The following TRPV3 variants were observed in gnomAD, a reference collection of about 807,000 sequenced individuals.
TRPV3 encodes the protein VRL-3.
TRPV3 carries 88 observed loss-of-function variants against 87.1 expected under a neutral mutation model. The ratio of observed to expected loss-of-function variants is 1.01; its 90% confidence interval spans 0.85 to 1.21. The LOEUF (loss-of-function observed/expected upper bound fraction) is 1.21, where lower values mean the gene tolerates loss of function less well. Among genes scored for constraint, TRPV3 ranks in the 50% most tolerant of loss-of-function variants. The probability of loss-of-function intolerance (pLI) is 0.00; values close to 1 mark genes in which losing one functional copy is unlikely to be tolerated. For missense variants in TRPV3, 1,054 were observed against 1,030.1 expected (o/e 1.02, Z -0.32); for synonymous variants, 438 against 423.3 (o/e 1.03, Z -0.43).
At chr17:3,552,009 A>G (rs1178981290) in intron 2 of TRPV3, among the ~76,000 whole-genome samples, 1 of 144,950 alleles carries the variant, frequency 6.9e-6, no homozygotes, top group South Asian at 2.2e-4. Context: ...CAGCCTCCCA[A>G]GTAGCTGGGA....
rs766565858 is a variant in TRPV3, at chr17:3,535,725, G to A, written c.644-12C>T. 6.8e-7 allele frequency: 1 copy of A among 1,470,254 alleles called. No individual in the cohort carries two copies. The allele number at this position is 1,470,254 out of a possible 1,614,324, so 91.1% of individuals were successfully genotyped here. ...CAGCGCCGTCTGCCCTGCGGAGCGG[G>A]CGGGGACGCGCGGGAGCCTCAGCGC... On this transcript the variant is annotated splice_polypyrimidine_tract_variant and intron_variant, in intron 6 of 17. Transcript: ENST00000576742.
At chr17:3,549,392 A>G (rs1471415912) in intron 2 of TRPV3, among the ~76,000 whole-genome samples, 1 of 152,228 alleles carries the variant, frequency 6.6e-6, no homozygotes, top group African/African-American at 2.4e-5. Context: ...AAATAGTACA[A>G]TGAGGCCACG....
chr17:3,520,058 G>T (rs1435464791), intron 14 of TRPV3, among the ~76,000 whole-genome samples: 2 of 152,096 alleles, frequency 1.3e-5, no homozygotes, highest in African/African-American at 4.8e-5. Flanking sequence ...AGAGTAAATA[G>T]ATGGATGAAT....
At chr17:3,536,386 C>G (rs1035863461) in intron 6 of TRPV3, among the ~76,000 whole-genome samples, 2 of 152,054 alleles carry the variant, frequency 1.3e-5, no homozygotes, top group Non-Finnish European at 2.9e-5. Context: ...GTCAGGAGTT[C>G]GAGAGCAGCC....
chr17:3,541,447 A>G (rs917370041), intron 6 of TRPV3, among the ~76,000 whole-genome samples: 1 of 152,202 alleles, frequency 6.6e-6, no homozygotes, highest in African/African-American at 2.4e-5. Flanking sequence ...AATTGAGTCA[A>G]TCGCTTTTGC....
chr17:3,529,147 A>AT (rs1249313918), intron 9 of TRPV3, 152 bp from the exon 10 acceptor site: 16 of 928,950 alleles, frequency 1.7e-5, no homozygotes, highest in Non-Finnish European at 1.1e-5. Context: ...TGGGAGGGTG[A>AT]TTTCCGGCTC....
At chr17:3,547,960 G>A (rs1873880) in intron 2 of TRPV3, among the ~76,000 whole-genome samples, 17,097 of 152,246 alleles carry the variant, frequency 0.11, 1,216 homozygotes, top group East Asian at 0.22. Flanking sequence ...CACGCACAGA[G>A]AAGAGCCTTC....
intron 2 of TRPV3, among the ~76,000 whole-genome samples, chr17:3,548,958 G>C (rs2074548659): frequency 6.6e-6 from 1 of 152,162 alleles, no homozygotes; most frequent in African/African-American, 2.4e-5. Flanking sequence ...TCCAGCTGAA[G>C]TGGGCATCGG....
rs2074142312 is a variant in TRPV3 at position 3,513,608 on chromosome 17, G to T, written c.*309C>A. ...GCCATCCATCTCTCCCAGCCAAGCCGACCTGCAATTGGTAAAACCAGAGGC... is the reference window on the plus strand; with the variant it reads ...GCCATCCATCTCTCCCAGCCAAGCCTACCTGCAATTGGTAAAACCAGAGGC... On this transcript the variant is annotated 3_prime_UTR_variant, in exon 18 of 18. Transcript: ENST00000576742. 2 of 277,696 alleles carry T rather than the reference G, an allele frequency of 7.2e-6. No individual in the cohort carries two copies. The highest frequency in any genetic ancestry group is 9.7e-5 in the South Asian group (1 of 10,288). The allele number at this position is 277,696 out of a possible 1,614,324, so 17.2% of individuals were successfully genotyped here.
intron 2 of TRPV3, among the ~76,000 whole-genome samples, chr17:3,549,365 G>C (rs541927535): frequency 1.3e-5 from 2 of 152,272 alleles, no homozygotes; most frequent in South Asian, 4.1e-4. Context: ...CCAGTGAGTT[G>C]GTCAGAACTG....
In TRPV3 at chr17:3,533,501, CTTTTT is replaced by C. The variant is rs11378089; in HGVS notation, c.785-569_785-565del. ...TCTTGGTTCCTTGTCCTCTGCTTTA[CTTTTT>C]TTTTTTTTTTTGAGATGGAGTCCTA... On this transcript the variant is annotated intron_variant, in intron 7 of 17. Coordinates refer to ENST00000576742, the MANE Select transcript of TRPV3 (RefSeq NM_145068.4). Among the ~76,000 whole-genome samples, 3 of 139,274 alleles carry C rather than the reference CTTTTT, an allele frequency of 2.2e-5. No homozygotes were observed. The East Asian group carries it at 6.3e-4, about 29-fold the overall frequency. The allele number at this position is 139,274 out of a possible 152,430, so 91.4% of individuals were successfully genotyped here.
At chr17:3,550,699 T>C (rs1320830343) in intron 2 of TRPV3, among the ~76,000 whole-genome samples, 1 of 152,022 alleles carries the variant, frequency 6.6e-6, no homozygotes, top group Admixed American at 6.6e-5. Flanking sequence ...TAATTTTTTG[T>C]ATTTTTAGTA....
chr17:3,539,240 T>C (rs2074436205), intron 6 of TRPV3, among the ~76,000 whole-genome samples: 1 of 151,584 alleles, frequency 6.6e-6, no homozygotes, highest in African/African-American at 2.4e-5. Flanking sequence ...TGTGCACATA[T>C]ACACACACAA....
intron 2 of TRPV3, among the ~76,000 whole-genome samples, chr17:3,551,870 CT>C (rs747932928): frequency 6.5e-3 from 282 of 43,308 alleles, no homozygotes; most frequent in Middle Eastern, 0.031. Context: ...GTAATTTATT[CT>C]TTTTTTTTTT....
intron 12 of TRPV3, among the ~76,000 whole-genome samples, chr17:3,524,758 G>C (rs1434097909): frequency 6.7e-6 from 1 of 150,064 alleles, no homozygotes; most frequent in Non-Finnish European, 1.5e-5. Context: ...AAACGCTTCA[G>C]GCCAGGAGTT....
At chr17:3,514,050 C>T in intron 17 of TRPV3, 39 bp from the exon 18 acceptor site, 1 of 1,469,482 alleles carries the variant, frequency 6.8e-7, no homozygotes, top group Non-Finnish European at 9.4e-7. Flanking sequence ...AAATATATCA[C>T]TCTGCATAGT....
intron 12 of TRPV3, 99 bp from the exon 13 acceptor site, chr17:3,524,462 TCACCCCGGTGACG>T (rs1261501170): frequency 9.6e-5 from 141 of 1,472,334 alleles, no homozygotes; most frequent in Middle Eastern, 3.5e-4. Flanking sequence ...CCCTGAACAG[TCACCCCGGTGACG>T]GATGCTGAAG....
chr17:3,520,409 C>T (rs1489506233), intron 14 of TRPV3, among the ~76,000 whole-genome samples: 1 of 152,188 alleles, frequency 6.6e-6, no homozygotes, highest in East Asian at 1.9e-4. Context: ...TTTGCTCCTA[C>T]TTTGCAAAGA....
At chr17:3,546,553 G>A (rs1207481935) in intron 2 of TRPV3, 9 of 430,216 alleles carry the variant, frequency 2.1e-5, no homozygotes. Flanking sequence ...CTCTTGTCCT[G>A]TAGTGTCAAT....
Sources: allele counts gnomAD v4.1 joint callset (sites outside exome capture counted in the v4.1 genomes callset), GRCh38; gene constraint gnomAD v4.1.1; transcripts MANE v1.5; gene names NCBI Gene and HGNC (gene_info 2026-07-23, HGNC 2026-07-21).